The following PLSCR2 variants were observed in gnomAD, a reference collection of about 807,000 sequenced individuals.
PLSCR2 encodes the protein phospholipid scramblase 2.
A neutral mutation model predicts 25.3 loss-of-function variants in PLSCR2; 18 were observed. That is an observed-to-expected ratio of 0.71 (90% CI 0.49 to 1.06). The LOEUF (loss-of-function observed/expected upper bound fraction) is 1.06. PLSCR2 is among the 50% of genes least tolerant of loss of function. The pLI is 0.00. For missense variants in PLSCR2, 243 were observed against 269.5 expected, an observed-to-expected ratio of 0.90 and a Z score of 0.69; for synonymous variants, 88 against 87.3, an observed-to-expected ratio of 1.01 and a Z score of -0.04.
chr3:146,449,434 C>T (rs1283124503), intron 5 of PLSCR2, 67 bp from the exon 6 acceptor site: 1 of 1,080,794 alleles, frequency 9.3e-7, no homozygotes, highest in Non-Finnish European at 1.4e-6. Context: ...ACTTTTAACA[C>T]TGGAGTAAAA....
rs147161001 is a variant in PLSCR2 at position 146,405,534 on chromosome 3, G to A, written c.101-9613C>T. On this transcript the variant is annotated intron_variant and NMD_transcript_variant, in intron 2 of 3. Transcript: ENST00000463633. ...AGGAAAAGGGAGAGTCTAAAAACAG[G>A]GTTAGTAAAAACAAGGTTAGGCATT... Among the ~76,000 whole-genome samples the A allele has an allele frequency of 3.2e-3, 486 of 152,164 alleles. 4 individuals carry two copies. The highest frequency in any genetic ancestry group is 0.011 in the African/African-American group (463 of 41,524).
chr3:146,413,842 A>T (rs1043360674), intron 2 of PLSCR2, among the ~76,000 whole-genome samples: 1 of 152,188 alleles, frequency 6.6e-6, no homozygotes, highest in Non-Finnish European at 1.5e-5. Flanking sequence ...AAACTCTTCC[A>T]GCCTCTACCC....
chr3:146,434,492 C>G (rs2039704102), intron 8 of PLSCR2, among the ~76,000 whole-genome samples: 1 of 151,550 alleles, frequency 6.6e-6, no homozygotes, highest in African/African-American at 2.4e-5. Flanking sequence ...TAATGACATA[C>G]TATGCAACTA....
chr3:146,405,764 G>A (rs1257968245), intron 2 of PLSCR2, among the ~76,000 whole-genome samples: 1 of 152,162 alleles, frequency 6.6e-6, no homozygotes, highest in Non-Finnish European at 1.5e-5. Context: ...GATTAGAGTA[G>A]CTAACCATGA....
At chr3:146,445,567 G>T (rs1190611994) in intron 6 of PLSCR2, among the ~76,000 whole-genome samples, 1 of 151,838 alleles carries the variant, frequency 6.6e-6, no homozygotes, top group African/African-American at 2.4e-5. Flanking sequence ...CTGCTTTTAG[G>T]ATCCTTTCTT....
At chr3:146,467,065 G>A (rs558872928) in intron 1 of PLSCR2, among the ~76,000 whole-genome samples, 111 of 152,240 alleles carry the variant, frequency 7.3e-4, no homozygotes, top group Non-Finnish European at 1.3e-3. Flanking sequence ...AAAGTGCTTT[G>A]GCTTTTAAAT....
At chr3:146,402,539 C>T (rs1159061435) in intron 2 of PLSCR2, among the ~76,000 whole-genome samples, 1 of 152,048 alleles carries the variant, frequency 6.6e-6, no homozygotes, top group African/African-American at 2.4e-5. Flanking sequence ...ACAGTCTCGG[C>T]TCACTACAAC....
downstream of PLSCR2, among the ~76,000 whole-genome samples, chr3:146,429,348 T>C (rs555041302): frequency 4.5e-4 from 68 of 152,268 alleles, no homozygotes; most frequent in South Asian, 0.014. Flanking sequence ...CTGATGGAAA[T>C]GCAAACAGCG....
intron 6 of PLSCR2, among the ~76,000 whole-genome samples, chr3:146,442,380 T>C (rs890800503): frequency 1.3e-5 from 2 of 152,032 alleles, no homozygotes; most frequent in Non-Finnish European, 2.9e-5. Context: ...AAGATGTCCA[T>C]ACTACTGAAA....
chr3:146,474,743 T>C (rs1242824639), intron 1 of PLSCR2, among the ~76,000 whole-genome samples: 1 of 152,168 alleles, frequency 6.6e-6, no homozygotes, highest in Admixed American at 6.6e-5. Context: ...TCCAACTTCT[T>C]TTCATTCTCC....
chr3:146,391,856 C>T (rs2038092282), intron 3 of PLSCR2, among the ~76,000 whole-genome samples: 1 of 151,986 alleles, frequency 6.6e-6, no homozygotes, highest in Admixed American at 6.6e-5. Context: ...TTTTCATTTA[C>T]ATACTCATTT....
chr3:146,465,788 G>A (rs1231296392), intron 1 of PLSCR2, among the ~76,000 whole-genome samples: 2 of 152,170 alleles, frequency 1.3e-5, no homozygotes, highest in African/African-American at 2.4e-5. Context: ...AACATTTATT[G>A]AGGTAACTCA....
chr3:146,429,191 G>A (rs1354307210), downstream of PLSCR2, among the ~76,000 whole-genome samples: 1 of 152,224 alleles, frequency 6.6e-6, no homozygotes, highest in Non-Finnish European at 1.5e-5. Flanking sequence ...GCCTCAGGAA[G>A]TTTACAATCA....
chr3:146,482,391 C>T (rs1362351581), intron 1 of PLSCR2, among the ~76,000 whole-genome samples: 1 of 152,092 alleles, frequency 6.6e-6, no homozygotes, highest in Non-Finnish European at 1.5e-5. Context: ...AAAAAACAAA[C>T]AACCCCATCA....
rs1347115615 is a variant in PLSCR2, at chr3:146,481,761, T to C, written c.-293+14134A>G. Among the ~76,000 whole-genome samples, 6 of 152,138 alleles carry C rather than the reference T, an allele frequency of 3.9e-5. No individual in the cohort carries two copies. The East Asian group carries it at 9.6e-4, about 24-fold the overall frequency. ...GTTCATATGGAACCAAAAAAGAGACTGCATTGTGAAGACAATCCTAAGCAA... is the reference window on the plus strand; with the variant it reads ...GTTCATATGGAACCAAAAAAGAGACCGCATTGTGAAGACAATCCTAAGCAA... On this transcript the variant is annotated intron_variant, in intron 1 of 8. Transcript: ENST00000336685.
At chr3:146,455,340 G>A (rs1478601340) in exon 4 of PLSCR2, 1 of 1,613,660 alleles carries the variant, frequency 6.2e-7, no homozygotes, top group Non-Finnish European at 8.5e-7. Context: ...AAGGTAAAAG[G>A]TCTAGACCGC....
intron 1 of PLSCR2, among the ~76,000 whole-genome samples, chr3:146,487,118 C>A (rs1320675039): frequency 6.6e-6 from 1 of 152,126 alleles, no homozygotes; most frequent in Non-Finnish European, 1.5e-5. Flanking sequence ...TTCAACATCC[C>A]TTCATGTCAA....
intron 3 of PLSCR2, among the ~76,000 whole-genome samples, chr3:146,393,373 T>A (rs2038161981): frequency 6.6e-6 from 1 of 151,936 alleles, no homozygotes; most frequent in South Asian, 2.1e-4. Flanking sequence ...TATTAACCTC[T>A]AATTGAGTGT....
At chr3:146,440,878 T>C (rs745863337), downstream of PLSCR2, among the ~76,000 whole-genome samples, 1 of 152,214 alleles carries the variant, frequency 6.6e-6, no homozygotes, top group Non-Finnish European at 1.5e-5. Context: ...GAAGTATGCT[T>C]TGTAAAGATA....
Sources: gnomAD v4.1 joint callset for allele counts (sites outside exome capture counted in the v4.1 genomes callset) on GRCh38, gnomAD v4.1.1 for gene constraint, MANE v1.5 for transcripts, NCBI Gene and HGNC (gene_info 2026-07-23, HGNC 2026-07-21) for gene names.